FARP1: variants seen among roughly 807,000 people sequenced by gnomAD.
FARP1 encodes FERM, ARHGEF and pleckstrin domain-containing protein 1.
A neutral mutation model predicts 128.8 loss-of-function variants in FARP1; 52 were observed. That is an observed-to-expected ratio of 0.40 (90% CI 0.32 to 0.51). The LOEUF is 0.51. Ranked by LOEUF, FARP1 falls within the 20% of genes least tolerant of loss-of-function variation. The pLI, the probability that FARP1 is intolerant of heterozygous loss-of-function variation, is 0.45. For synonymous variants in FARP1, 580 were observed against 551.8 expected (o/e 1.05, Z -0.72); for missense variants, 1,333 against 1,367.9 (o/e 0.97, Z 0.40).
At chr13:98,259,352 C>CGT (rs143802802) in intron 2 of FARP1, among the ~76,000 whole-genome samples, 130 of 150,508 alleles carry the variant, frequency 8.6e-4, no homozygotes, top group Middle Eastern at 3.5e-3. Flanking sequence ...CACATATATA[C>CGT]GTGTGTGTGT....
chr13:98,346,426 G>T (rs1398062131), intron 3 of FARP1, among the ~76,000 whole-genome samples: 1 of 151,322 alleles, frequency 6.6e-6, no homozygotes, highest in Non-Finnish European at 1.5e-5. Flanking sequence ...CTGACCTCAG[G>T]TGATCCGCCC....
At chr13:98,413,686 A>T (rs999883325) in intron 16 of FARP1, among the ~76,000 whole-genome samples, 1 of 152,060 alleles carries the variant, frequency 6.6e-6, no homozygotes, top group African/African-American at 2.4e-5. Context: ...ATTCTACCAA[A>T]TGTAACTTTA....
intron 1 of FARP1, among the ~76,000 whole-genome samples, chr13:98,206,393 T>C (rs1880268720): frequency 2.0e-5 from 3 of 152,188 alleles, no homozygotes; most frequent in Admixed American, 1.3e-4. Flanking sequence ...CCAGGGAAGC[T>C]GTTACTGTGA....
intron 1 of FARP1, among the ~76,000 whole-genome samples, chr13:98,206,815 C>A (rs1880300878): frequency 6.6e-6 from 1 of 152,144 alleles, no homozygotes; most frequent in South Asian, 2.1e-4. Flanking sequence ...TTGCAAGCAG[C>A]TTTTAACTTT....
intron 2 of FARP1, among the ~76,000 whole-genome samples, chr13:98,221,711 A>G (rs1490210465): frequency 6.6e-6 from 1 of 151,840 alleles, no homozygotes; most frequent in Non-Finnish European, 1.5e-5. Flanking sequence ...AAACTTTTCC[A>G]TTTTCCTAGA....
chr13:98,146,797 CCTGTTGT>C (rs1222582219), intron 1 of FARP1, among the ~76,000 whole-genome samples: 1 of 152,154 alleles, frequency 6.6e-6, no homozygotes, highest in East Asian at 1.9e-4. Flanking sequence ...CAGTCTCTCT[CCTGTTGT>C]TTGGTGCTTT....
chr13:98,210,771 C>G (rs566358640), intron 1 of FARP1, among the ~76,000 whole-genome samples: 3 of 152,106 alleles, frequency 2.0e-5, no homozygotes, highest in South Asian at 2.1e-4. Flanking sequence ...GGATAGTCTC[C>G]ATCTCCTGAC....
intron 17 of FARP1, among the ~76,000 whole-genome samples, chr13:98,429,689 A>G (rs56834679): frequency 0.032 from 4,876 of 152,192 alleles, 261 homozygotes; most frequent in African/African-American, 0.11. Context: ...GGAAGTGGGC[A>G]TGTGTCTGGA....
At chr13:98,221,212 A>G (rs1267361882) in intron 2 of FARP1, among the ~76,000 whole-genome samples, 1 of 152,222 alleles carries the variant, frequency 6.6e-6, no homozygotes, top group African/African-American at 2.4e-5. Context: ...TTCTCATGAA[A>G]GTAGGTTGTC....
chr13:98,244,483 C>A (rs1882950452), intron 2 of FARP1: 2 of 1,613,356 alleles, frequency 1.2e-6, no homozygotes. Flanking sequence ...GCTCTCCTCT[C>A]TTCCCAGATG....
chr13:98,214,892 A>G (rs896628250), intron 2 of FARP1, among the ~76,000 whole-genome samples: 2 of 152,060 alleles, frequency 1.3e-5, no homozygotes, highest in Admixed American at 6.5e-5. Context: ...CACCTCACCC[A>G]CTTTTTTGTC....
chr13:98,153,531 T>A (rs868714277), intron 1 of FARP1, among the ~76,000 whole-genome samples: 2 of 91,292 alleles, frequency 2.2e-5, no homozygotes, highest in South Asian at 3.7e-4. Context: ...ATATATATAT[T>A]ATATATAAAT....
At chr13:98,439,874 CT>C in intron 21 of FARP1, 86 bp from the exon 22 acceptor site, 2 of 979,244 alleles carry the variant, frequency 2.0e-6, no homozygotes, top group Non-Finnish European at 3.1e-6. Flanking sequence ...GGCACCCCTC[CT>C]TTTCCAAGTT....
intron 2 of FARP1, among the ~76,000 whole-genome samples, chr13:98,291,245 A>T (rs1246637053): frequency 6.6e-6 from 1 of 152,210 alleles, no homozygotes; most frequent in Non-Finnish European, 1.5e-5. Context: ...GTTATTAAGA[A>T]AATCATAAGG....
At chr13:98,150,832 T>C (rs1466950853) in intron 1 of FARP1, among the ~76,000 whole-genome samples, 1 of 152,108 alleles carries the variant, frequency 6.6e-6, no homozygotes, top group East Asian at 1.9e-4. Context: ...TATGATCAAA[T>C]AAATAGATTT....
chr13:98,357,818 A>T (rs1417059393), intron 3 of FARP1, among the ~76,000 whole-genome samples: 2 of 152,062 alleles, frequency 1.3e-5, no homozygotes, highest in Non-Finnish European at 2.9e-5. Flanking sequence ...TATTACTGTA[A>T]GTTTTATTGA....
intron 3 of FARP1, among the ~76,000 whole-genome samples, chr13:98,350,596 T>C (rs1888376274): frequency 6.6e-6 from 1 of 152,158 alleles, no homozygotes; most frequent in Non-Finnish European, 1.5e-5. Flanking sequence ...CACAACAGTA[T>C]TACACAGAGT....
chr13:98,349,542 G>A lies in FARP1; in HGVS notation c.276+5676G>A, dbSNP rs1293972091. Among the ~76,000 whole-genome samples, 7 of 151,760 alleles carry A rather than the reference G, an allele frequency of 4.6e-5. No homozygotes were observed. The East Asian group carries it at 5.8e-4, about 13-fold the overall frequency. ...CAAAAATTAGCCCGTTTGGTGGCAC[G>A]CGTCTATATTCGCAGTTACTTGAGA... On this transcript the variant is annotated intron_variant, in intron 3 of 26. Transcript: ENST00000319562.
chr13:98,372,034 C>T (rs1296167228), intron 5 of FARP1, among the ~76,000 whole-genome samples: 1 of 150,412 alleles, frequency 6.6e-6, no homozygotes, highest in East Asian at 1.9e-4. Context: ...TGGGTGCAGC[C>T]TCAAAACAAC....
Sources: allele counts gnomAD v4.1 joint callset (sites outside exome capture counted in the v4.1 genomes callset), GRCh38; gene constraint gnomAD v4.1.1; transcripts MANE v1.5; gene names NCBI Gene and HGNC (gene_info 2026-07-23, HGNC 2026-07-21).